The following SH3PXD2B variants were observed in gnomAD, a reference collection of about 807,000 sequenced individuals.
The protein encoded by SH3PXD2B is SH3 and PX domains 2B, also known as SH3 and PX domain-containing protein 2B.
In SH3PXD2B, 37 loss-of-function variants were observed where a neutral mutation model predicts 73.1. That is an observed-to-expected ratio of 0.51 (90% CI 0.39 to 0.67). The LOEUF is 0.67. Among genes scored for constraint, SH3PXD2B ranks in the 30% least tolerant of loss-of-function variants. SH3PXD2B has a pLI of 0.00. For missense variants in SH3PXD2B, 1,053 were observed against 1,197.8 expected (o/e 0.88, Z 1.78); for synonymous variants, 457 against 480.5 (o/e 0.95, Z 0.64).
At position 172,454,320 on chromosome 5, in the gene SH3PXD2B, C is replaced by T; in HGVS notation, c.33G>A (p.Lys11=). 10 of 1,593,962 alleles carry T rather than the reference C, an allele frequency of 6.3e-6. No individual in the cohort carries two copies. Among genetic ancestry groups the T allele is most frequent in the Non-Finnish European group, 8.5e-6 (10 of 1,173,402 alleles). ...CCCGCCGCTTCTGCACGTCTAGCAC[C>T]TTCACCTCCACGATGCTGCGCCGCG... MPPRRSIVEV[K]VLDVQKRRVP... The change falls in exon 1 of 13, where the codon AAG becomes AAA. Residue 11 remains lysine, a synonymous_variant. Coordinates refer to ENST00000311601, the MANE Select transcript of SH3PXD2B (RefSeq NM_001017995.3).
At chr5:172,383,034 C>T (rs1157335689) in intron 4 of SH3PXD2B, among the ~76,000 whole-genome samples, 1 of 152,114 alleles carries the variant, frequency 6.6e-6, no homozygotes, top group Non-Finnish European at 1.5e-5. Flanking sequence ...GCCACTGCAC[C>T]TGGCTCATTT....
In SH3PXD2B at chr5:172,362,754, G is replaced by A; in HGVS notation, c.543C>T (p.Ile181=). ...CCCCACCTGACTCATTCTTCTCGAT[G>A]ATGTCCACCACCTGCCCCACGCTGA... The part of the protein sequence containing the change: ...ISLSVGQVVD[I]IEKNESGWWF... Residue 181 remains isoleucine (I), a synonymous_variant, in exon 7 of 13, where the codon ATC becomes ATT. Transcript: ENST00000311601. 1 of 1,614,120 alleles carries A rather than the reference G, an allele frequency of 6.2e-7. No individual in the cohort carries two copies. The highest frequency in any genetic ancestry group is 8.5e-7 in the Non-Finnish European group (1 of 1,180,012).
At chr5:172,447,230 G>C (rs1333330566) in intron 1 of SH3PXD2B, among the ~76,000 whole-genome samples, 1 of 152,018 alleles carries the variant, frequency 6.6e-6, no homozygotes, top group African/African-American at 2.4e-5. Context: ...CATTTTATCA[G>C]CTGTATTTCT....
At chr5:172,368,574 T>TATATATTATATATATATATAAAA (rs1384545037) in intron 6 of SH3PXD2B, among the ~76,000 whole-genome samples, 1 of 16,130 alleles carries the variant, frequency 6.2e-5, no homozygotes, top group African/African-American at 4.8e-4. Context: ...ATAAAATATG[T>TATATATTATATATATATATAAAA]TATATATATA....
chr5:172,335,641 C>T lies in SH3PXD2B; in HGVS notation c.*2728G>A, dbSNP rs979860336. Reference sequence around the variant, plus strand: ...ACCATTGTCACGATGGGCCTGGACACTTTCTAGAGCCATGACTCCAGGGGA... The same window carrying T: ...ACCATTGTCACGATGGGCCTGGACATTTTCTAGAGCCATGACTCCAGGGGA... On this transcript the variant is annotated 3_prime_UTR_variant, in exon 13 of 13. Transcript: ENST00000311601. 2.4e-6 allele frequency: 3 copies of T among 1,231,712 alleles called. No individual in the cohort carries two copies. The highest frequency in any genetic ancestry group is 6.3e-5 in the East Asian group (2 of 31,722). The allele number at this position is 1,231,712 out of a possible 1,614,324, so 76.3% of individuals were successfully genotyped here.
intron 2 of SH3PXD2B, among the ~76,000 whole-genome samples, chr5:172,407,352 C>T: frequency 6.6e-6 from 1 of 152,184 alleles, no homozygotes; most frequent in African/African-American, 2.4e-5. Context: ...GGATGCTTTC[C>T]CACTTGCTAT....
intron 2 of SH3PXD2B, among the ~76,000 whole-genome samples, chr5:172,416,331 C>CCTTTTTT (rs1554140703): frequency 7.0e-6 from 1 of 143,330 alleles, no homozygotes; most frequent in African/African-American, 2.6e-5. Flanking sequence ...CCTGTCTCTA[C>CCTTTTTT]TTTTTTTTTT....
Position 172,335,741 on chromosome 5 carries a change from G to A in SH3PXD2B, c.*2628C>T. 1 of 1,231,186 alleles carries A rather than the reference G, an allele frequency of 8.1e-7. No individual in the cohort carries two copies. Among genetic ancestry groups the A allele is most frequent in the South Asian group, 4.1e-5 (1 of 24,128 alleles). The allele number at this position is 1,231,186 out of a possible 1,614,324, so 76.3% of individuals were successfully genotyped here. A position where few individuals can be genotyped will look rare whatever the true frequency, so the allele number is the denominator to read the frequency against. ...GGATGGGGTAAATCTAAGTCCCCAG[G>A]CAAGGACAGCTAGGAGAGTGACTGG... On this transcript the variant is annotated 3_prime_UTR_variant, in exon 13 of 13. Coordinates refer to ENST00000311601, the MANE Select transcript of SH3PXD2B (RefSeq NM_001017995.3).
intron 1 of SH3PXD2B, among the ~76,000 whole-genome samples, chr5:172,438,744 G>A (rs1759450842): frequency 6.6e-6 from 1 of 152,138 alleles, no homozygotes. Context: ...TCATCCCACT[G>A]TATGTCAGAG....
chr5:172,436,502 T>C (rs1759390884), intron 1 of SH3PXD2B, among the ~76,000 whole-genome samples: 1 of 152,210 alleles, frequency 6.6e-6, no homozygotes, highest in Non-Finnish European at 1.5e-5. Context: ...TCCTTTGTTC[T>C]ATAGTTAGGG....
At chr5:172,352,324 G>A (rs1460748530) in intron 9 of SH3PXD2B, among the ~76,000 whole-genome samples, 2 of 152,084 alleles carry the variant, frequency 1.3e-5, no homozygotes, top group Non-Finnish European at 2.9e-5. Context: ...TCTTGGGCTC[G>A]AGTGATCCTC....
At chr5:172,448,090 C>T (rs1171604483) in intron 1 of SH3PXD2B, among the ~76,000 whole-genome samples, 1 of 152,232 alleles carries the variant, frequency 6.6e-6, no homozygotes, top group Non-Finnish European at 1.5e-5. Flanking sequence ...GGCCCTAACT[C>T]TTGTGACACA....
Position 172,353,982 on chromosome 5 carries a change from G to A in SH3PXD2B, c.691C>T (p.Pro231Ser). 1.9e-6 allele frequency: 3 copies of A among 1,614,136 alleles called. No individual in the cohort carries two copies. Among genetic ancestry groups the A allele is most frequent in the Non-Finnish European group, 2.5e-6 (3 of 1,180,028 alleles). Reference protein sequence around the residue: ...EEEEKYTVIYPYTARDQDEMN... With the variant: ...EEEEKYTVIYSYTARDQDEMN... ...TCATCCTGGTCCCGAGCTGTGTACG[G>A]GTAGATGACTGTGTACTTCTCCTCT... The change falls in exon 9 of 13, where the codon CCG (proline) becomes TCG (serine). Residue 231 changes from proline to serine, a missense_variant. Physicochemically the swap from Pro to Ser is moderately conservative, Grantham distance 74. Coordinates refer to ENST00000311601, the MANE Select transcript of SH3PXD2B (RefSeq NM_001017995.3). This position sits in a 1 kb window ranked among gnomAD's most constrained non-coding sequence, Gnocchi z 4.3.
Position 172,401,082 on chromosome 5 carries a change from A to T in SH3PXD2B, c.232+5195T>A, listed in dbSNP as rs199756895. Among the ~76,000 whole-genome samples the T allele has an allele frequency of 2.0e-5, 3 of 152,234 alleles. No individual in the cohort carries two copies. The East Asian group carries it at 5.8e-4, about 29-fold the overall frequency. ...CGATTGGCAAGCCAATTCCACCCAA[A>T]TGTGGAATTCTCAACAAGGCATTGA... is the stretch of plus-strand genomic sequence containing the variant. On this transcript the variant is annotated intron_variant, in intron 3 of 12. Transcript: ENST00000311601.
intron 4 of SH3PXD2B, among the ~76,000 whole-genome samples, chr5:172,393,500 A>AG (rs1169363838): frequency 6.6e-6 from 1 of 152,156 alleles, no homozygotes; most frequent in Non-Finnish European, 1.5e-5. Context: ...CTGTGAGTCA[A>AG]GAGTCAATAC....
chr5:172,361,610 C>T (rs543993998), intron 7 of SH3PXD2B, among the ~76,000 whole-genome samples: 1 of 152,198 alleles, frequency 6.6e-6, no homozygotes, highest in African/African-American at 2.4e-5. Flanking sequence ...ATACAATCTG[C>T]ACACACTCAT....
chr5:172,350,658 T>C, intron 9 of SH3PXD2B, 69 bp from the exon 10 acceptor site: 1 of 1,474,824 alleles, frequency 6.8e-7, no homozygotes, highest in Non-Finnish European at 9.2e-7. Context: ...TTGCTCCTAC[T>C]GGGAATCACA....
intron 1 of SH3PXD2B, among the ~76,000 whole-genome samples, chr5:172,434,779 A>T (rs1554087269): frequency 1.5e-5 from 1 of 67,956 alleles, no homozygotes; most frequent in Non-Finnish European, 3.1e-5. Context: ...GCAATGGCCA[A>T]TGGTTTTTTT....
At chr5:172,419,012 C>T (rs948835206) in intron 2 of SH3PXD2B, among the ~76,000 whole-genome samples, 4 of 152,170 alleles carry the variant, frequency 2.6e-5, no homozygotes, top group Non-Finnish European at 2.9e-5. Flanking sequence ...TGACAGCTAA[C>T]GCGCTTACTG....
Sources: gnomAD v4.1 joint callset for allele counts (sites outside exome capture counted in the v4.1 genomes callset) on GRCh38, gnomAD v4.1.1 for gene constraint, Gnocchi (gnomAD v3.1) non-coding constraint, MANE v1.5 for transcripts, NCBI Gene and HGNC (gene_info 2026-07-23, HGNC 2026-07-21) for gene names.